Variants in DCBLD2 observed in about 807,000 individuals in gnomAD.
DCBLD2 encodes the protein discoidin, CUB and LCCL domain-containing protein 2.
DCBLD2 carries 54 observed loss-of-function variants against 86.8 expected under a neutral mutation model. The observed-to-expected ratio is 0.62, with a 90% confidence interval of 0.50 to 0.78. The LOEUF (loss-of-function observed/expected upper bound fraction) is 0.78. Among genes scored for constraint, DCBLD2 ranks in the 30% least tolerant of loss-of-function variants. The probability of loss-of-function intolerance (pLI) is 0.00; values close to 1 mark genes in which losing one functional copy is unlikely to be tolerated. For synonymous variants in DCBLD2, 354 were observed against 341.3 expected (o/e 1.04, Z -0.41); for missense variants, 908 against 954.2 (o/e 0.95, Z 0.64).
chr3:98,870,801 GA>G (rs773266301), intron 2 of DCBLD2, among the ~76,000 whole-genome samples: 7 of 149,666 alleles, frequency 4.7e-5, no homozygotes, highest in African/African-American at 1.7e-4. Context: ...AAGAAAGAAA[GA>G]AAGAAAGAAA....
chr3:98,806,553 A>G lies in DCBLD2; in HGVS notation c.1670+1528T>C, dbSNP rs575029944. Among the ~76,000 whole-genome samples, 51 of 152,208 alleles carry G rather than the reference A, an allele frequency of 3.4e-4. 1 individual carries two copies. The East Asian group carries it at 8.9e-3, about 26-fold the overall frequency. On this transcript the variant is annotated intron_variant, in intron 13 of 15. Transcript: ENST00000326840. ...GGATCCACTAGCTTCCTCCCATGGC[A>G]TATATTCTATGGCTGGTGTTACAGC... is the stretch of plus-strand genomic sequence containing the variant.
chr3:98,836,327 T>A (rs1559779397), intron 3 of DCBLD2, among the ~76,000 whole-genome samples: 1 of 143,830 alleles, frequency 7.0e-6, no homozygotes, highest in Admixed American at 7.0e-5. Flanking sequence ...AGTTAGTAAT[T>A]GCCAGAGGTG....
chr3:98,816,857 C>T (rs1009818982), intron 9 of DCBLD2, among the ~76,000 whole-genome samples: 1 of 152,158 alleles, frequency 6.6e-6, no homozygotes, highest in Non-Finnish European at 1.5e-5. Context: ...TCACAGCTCA[C>T]TGCAGCCTCA....
chr3:98,876,194 T>C (rs1459255387), intron 2 of DCBLD2, among the ~76,000 whole-genome samples: 1 of 151,384 alleles, frequency 6.6e-6, no homozygotes, highest in Non-Finnish European at 1.5e-5. Flanking sequence ...TAAAAGATAA[T>C]GAGAAGTCCT....
chr3:98,867,857 C>T (rs904539919), intron 2 of DCBLD2, among the ~76,000 whole-genome samples: 1 of 151,184 alleles, frequency 6.6e-6, no homozygotes, highest in Non-Finnish European at 1.5e-5. Flanking sequence ...GGCTGGAGTG[C>T]AGTGGCACAA....
In DCBLD2 at chr3:98,881,667, C is replaced by T. The variant is rs1233983472; in HGVS notation, c.306G>A (p.Glu102=). 1.9e-6 allele frequency: 3 copies of T among 1,613,956 alleles called. No individual in the cohort carries two copies. The Admixed American group carries it at 5.0e-5, about 27-fold the overall frequency. Residue 102 remains glutamate (E), a synonymous_variant, in exon 2 of 16, where the codon GAG becomes GAA. Transcript: ENST00000326840. ...CTCTCTCTCCCATCTTTACACGGAT[C>T]TCCCATTCACAAACAGTGCTGTTGG... is the stretch of plus-strand genomic sequence containing the variant. ...TYPNSTVCEW[E]IRVKMGERVR...
chr3:98,821,786 G>A (rs1403583682), intron 6 of DCBLD2, among the ~76,000 whole-genome samples: 6 of 152,090 alleles, frequency 3.9e-5, no homozygotes, highest in Non-Finnish European at 2.9e-5. Context: ...GGTGGGTCAC[G>A]CCTGTAATCC....
chr3:98,808,422 AAAAT>A (rs1179632149), intron 12 of DCBLD2, among the ~76,000 whole-genome samples: 1 of 152,224 alleles, frequency 6.6e-6, no homozygotes, highest in Non-Finnish European at 1.5e-5. Context: ...TTAAATCACT[AAAAT>A]AAAATTGAAA....
intron 14 of DCBLD2, 192 bp downstream of exon 14, chr3:98,801,403 TTTTCA>T: frequency 2.2e-6 from 1 of 456,876 alleles, no homozygotes; most frequent in Non-Finnish European, 3.9e-6. Flanking sequence ...AAATTTGTAC[TTTTCA>T]TTTCATTACT....
intron 2 of DCBLD2, among the ~76,000 whole-genome samples, chr3:98,876,437 A>AAAAAAAAAAAAAAAAAAAAAAC: frequency 7.5e-6 from 1 of 133,520 alleles, no homozygotes; most frequent in Non-Finnish European, 1.6e-5. Flanking sequence ...AAAAAAAAAA[A>AAAAAAAAAAAAAAAAAAAAAAC]AAAAAGGCCG....
intron 2 of DCBLD2, among the ~76,000 whole-genome samples, chr3:98,864,471 T>C (rs1226074411): frequency 6.6e-6 from 1 of 152,104 alleles, no homozygotes; most frequent in African/African-American, 2.4e-5. Flanking sequence ...CCATCAATGA[T>C]AGACTAGATT....
intron 3 of DCBLD2, among the ~76,000 whole-genome samples, chr3:98,836,837 T>A (rs1576171682): frequency 2.1e-5 from 1 of 48,532 alleles, no homozygotes; most frequent in African/African-American, 7.9e-5. Flanking sequence ...CCCCCCCACC[T>A]CCCTCCCGGA....
intron 6 of DCBLD2, among the ~76,000 whole-genome samples, chr3:98,821,631 C>T (rs1022826872): frequency 6.6e-6 from 1 of 152,144 alleles, no homozygotes; most frequent in South Asian, 2.1e-4. Flanking sequence ...AACTTCTAGA[C>T]TCTTATGTAG....
At chr3:98,838,939 G>A (rs964640577) in intron 3 of DCBLD2, among the ~76,000 whole-genome samples, 1 of 151,278 alleles carries the variant, frequency 6.6e-6, no homozygotes, top group Admixed American at 6.6e-5. Flanking sequence ...GGCAGACTGA[G>A]GCAGGAGTAT....
intron 3 of DCBLD2, among the ~76,000 whole-genome samples, chr3:98,829,555 T>C (rs2107457087): frequency 6.6e-6 from 1 of 152,342 alleles, no homozygotes; most frequent in African/African-American, 2.4e-5. Context: ...CCTGTGAGGT[T>C]AATGGCCTCC....
intron 2 of DCBLD2, among the ~76,000 whole-genome samples, chr3:98,852,816 G>A (rs1436297082): frequency 6.6e-6 from 1 of 152,198 alleles, no homozygotes; most frequent in Admixed American, 6.5e-5. Context: ...CTGGCCAACA[G>A]TTACCAAGAA....
At chr3:98,870,396 T>C (rs1454983405) in intron 2 of DCBLD2, among the ~76,000 whole-genome samples, 1 of 152,180 alleles carries the variant, frequency 6.6e-6, no homozygotes, top group Non-Finnish European at 1.5e-5. Flanking sequence ...ATTTCTTTTG[T>C]TTGCTCAGGA....
At chr3:98,886,800 A>AAC (rs371647981) in intron 1 of DCBLD2, among the ~76,000 whole-genome samples, 6 of 123,710 alleles carry the variant, frequency 4.9e-5, no homozygotes, top group East Asian at 5.6e-4. Context: ...TTACAGGAAA[A>AAC]CCCCCCCCCT....
chr3:98,892,439 T>C (rs1405084452), intron 1 of DCBLD2, among the ~76,000 whole-genome samples: 1 of 152,142 alleles, frequency 6.6e-6, no homozygotes, highest in Non-Finnish European at 1.5e-5. Flanking sequence ...CCCTGGTTAT[T>C]TGACTGGTCC....
Sources: gnomAD v4.1 joint callset for allele counts (sites outside exome capture counted in the v4.1 genomes callset) on GRCh38, gnomAD v4.1.1 for gene constraint, MANE v1.5 for transcripts, NCBI Gene and HGNC (gene_info 2026-07-23, HGNC 2026-07-21) for gene names.